The following SIPA1L3 variants were observed in gnomAD, a reference collection of about 807,000 sequenced individuals.
The protein encoded by SIPA1L3 is signal-induced proliferation-associated 1-like protein 3.
SIPA1L3 carries 59 observed loss-of-function variants against 150.1 expected under a neutral mutation model. That is an observed-to-expected ratio of 0.39 (90% CI 0.32 to 0.49). SIPA1L3 has a LOEUF of 0.49. Ranked by LOEUF, SIPA1L3 falls within the 20% of genes least tolerant of loss-of-function variation. The pLI is 0.86. For missense variants in SIPA1L3, 2,211 were observed against 2,489.5 expected (o/e 0.89, Z 2.38); for synonymous variants, 1,070 against 1,077.6 (o/e 0.99, Z 0.14).
Position 38,007,394 on chromosome 19 carries a change from G to A in SIPA1L3, c.-378-21695G>A, listed in dbSNP as rs568635719. The stretch of plus-strand genomic sequence containing the variant: ...CGTGAACCCGGGAGGCGGAGGTTGC[G>A]GTGAGCCGAGATCACGCCATTGCAC... On this transcript the variant is annotated intron_variant, in intron 1 of 21. Coordinates refer to ENST00000222345, the MANE Select transcript of SIPA1L3 (RefSeq NM_015073.3). Among the ~76,000 whole-genome samples the A allele has an allele frequency of 6.4e-4, 96 of 150,738 alleles. 1 individual carries two copies. The highest frequency in any genetic ancestry group is 2.1e-3 in the African/African-American group (86 of 41,010).
chr19:37,939,422 G>A (rs1034912439), intron 1 of SIPA1L3, among the ~76,000 whole-genome samples: 119 of 142,440 alleles, frequency 8.4e-4, no homozygotes, highest in African/African-American at 3.3e-3. Flanking sequence ...AAAAAAAAAG[G>A]ATTAGTTTCA....
At chr19:38,085,871 C>G (rs1390428713) in intron 3 of SIPA1L3, among the ~76,000 whole-genome samples, 4 of 152,118 alleles carry the variant, frequency 2.6e-5, no homozygotes, top group Admixed American at 6.5e-5. Context: ...TGGCGGGTGC[C>G]TGTAATCCCA....
intron 10 of SIPA1L3, among the ~76,000 whole-genome samples, chr19:38,139,590 C>T (rs1320323522): frequency 2.6e-5 from 4 of 152,156 alleles, no homozygotes; most frequent in Non-Finnish European, 4.4e-5. Context: ...AAGGGACAGC[C>T]AGAAGACACT....
chr19:37,978,688 A>G (rs1967130762), intron 1 of SIPA1L3, among the ~76,000 whole-genome samples: 1 of 152,192 alleles, frequency 6.6e-6, no homozygotes, highest in African/African-American at 2.4e-5. Flanking sequence ...ATTTAAAAAT[A>G]AAAAGGCCAG....
chr19:37,930,824 A>G (rs1276766596), intron 1 of SIPA1L3, among the ~76,000 whole-genome samples: 1 of 147,486 alleles, frequency 6.8e-6, no homozygotes, highest in Non-Finnish European at 1.5e-5. Context: ...ATGCTTAGAC[A>G]CCCCTCCCCC....
chr19:38,120,946 G>A (rs1971002795), intron 9 of SIPA1L3, among the ~76,000 whole-genome samples: 1 of 152,216 alleles, frequency 6.6e-6, no homozygotes, highest in Non-Finnish European at 1.5e-5. Flanking sequence ...AGAAGGCCTG[G>A]CTTCAAGTCC....
intron 1 of SIPA1L3, among the ~76,000 whole-genome samples, chr19:38,006,383 C>G (rs1467850342): frequency 6.6e-6 from 1 of 151,966 alleles, no homozygotes; most frequent in African/African-American, 2.4e-5. Context: ...GGGCATCACG[C>G]CTTTTACCTT....
chr19:38,079,890 G>A (rs553394997), intron 2 of SIPA1L3, among the ~76,000 whole-genome samples: 104 of 152,298 alleles, frequency 6.8e-4, no homozygotes, highest in African/African-American at 2.5e-3. Context: ...ATCATGGGAA[G>A]GAACCAGCCC....
intron 2 of SIPA1L3, among the ~76,000 whole-genome samples, chr19:38,050,191 C>T (rs1969156828): frequency 6.6e-6 from 1 of 152,208 alleles, no homozygotes; most frequent in Non-Finnish European, 1.5e-5. Flanking sequence ...CATGGTGGCT[C>T]ACGCCTGTAA....
intron 2 of SIPA1L3, among the ~76,000 whole-genome samples, chr19:38,054,394 G>A (rs1334422622): frequency 2.0e-5 from 3 of 152,186 alleles, no homozygotes; most frequent in Non-Finnish European, 4.4e-5. Flanking sequence ...ATCACTTGAC[G>A]TCAGAAGTTT....
intron 8 of SIPA1L3, among the ~76,000 whole-genome samples, chr19:38,111,967 A>C (rs1970763695): frequency 1.1e-5 from 1 of 94,204 alleles, no homozygotes; most frequent in Non-Finnish European, 2.0e-5. Flanking sequence ...ACACACGTAC[A>C]TGCACACACA....
chr19:38,090,494 A>T (rs1970236003), intron 4 of SIPA1L3, among the ~76,000 whole-genome samples: 1 of 152,230 alleles, frequency 6.6e-6, no homozygotes, highest in Non-Finnish European at 1.5e-5. Context: ...GGGCAGGGCC[A>T]GGCACTGTGA....
intron 2 of SIPA1L3, among the ~76,000 whole-genome samples, chr19:38,066,514 G>A (rs1969596884): frequency 6.6e-6 from 1 of 152,172 alleles, no homozygotes; most frequent in African/African-American, 2.4e-5. Context: ...TTCTGGAAGT[G>A]GAATTGCTGG....
chr19:38,008,045 T>A (rs893910184), intron 1 of SIPA1L3, among the ~76,000 whole-genome samples: 1 of 152,078 alleles, frequency 6.6e-6, no homozygotes, highest in African/African-American at 2.4e-5. Flanking sequence ...TGAGTGCATG[T>A]TGAATGAATG....
chr19:37,947,488 C>A lies in SIPA1L3; in HGVS notation c.-379+40130C>A, dbSNP rs979892436. Among the ~76,000 whole-genome samples, 357 of 124,026 alleles carry A rather than the reference C, an allele frequency of 2.9e-3. 2 individuals carry two copies. The highest frequency in any genetic ancestry group is 9.3e-3 in the African/African-American group (314 of 33,688). 81.4% of individuals were successfully genotyped at this position (124,026 alleles called of 152,430 possible). On this transcript the variant is annotated intron_variant, in intron 1 of 21. Coordinates refer to ENST00000222345, the MANE Select transcript of SIPA1L3 (RefSeq NM_015073.3). ...TGGGCGACAGAGTGAGACTCCATAT[C>A]AAAAAAAAAAAAAAAGTCCAACTCC...
chr19:38,071,531 C>T (rs560507192), intron 2 of SIPA1L3, among the ~76,000 whole-genome samples: 30 of 152,284 alleles, frequency 2.0e-4, no homozygotes, highest in African/African-American at 4.3e-4. Context: ...TCAGTTGATT[C>T]GCCCACCTCG....
chr19:38,066,937 T>A (rs553051291), intron 2 of SIPA1L3, among the ~76,000 whole-genome samples: 51 of 152,038 alleles, frequency 3.4e-4, no homozygotes, highest in African/African-American at 1.2e-3. Context: ...CTGTACTGAT[T>A]TAACACCCTT....
intron 2 of SIPA1L3, among the ~76,000 whole-genome samples, chr19:38,058,248 G>A (rs1406101440): frequency 2.0e-5 from 3 of 152,154 alleles, no homozygotes; most frequent in Admixed American, 2.0e-4. Context: ...CTGGTCCCTC[G>A]GGCTTGAGAA....
chr19:38,156,989 T>C (rs1468220687), intron 13 of SIPA1L3, among the ~76,000 whole-genome samples: 1 of 151,644 alleles, frequency 6.6e-6, no homozygotes, highest in Non-Finnish European at 1.5e-5. Flanking sequence ...CTAGTGGGAC[T>C]CTGCCTCTAC....
Sources: gnomAD v4.1 joint callset for allele counts (sites outside exome capture counted in the v4.1 genomes callset) on GRCh38, gnomAD v4.1.1 for gene constraint, MANE v1.5 for transcripts, NCBI Gene and HGNC (gene_info 2026-07-23, HGNC 2026-07-21) for gene names.